The following MANBA variants were observed in gnomAD, a reference collection of about 807,000 sequenced individuals.
MANBA encodes beta-mannosidase.
In MANBA, 83 loss-of-function variants were observed where a neutral mutation model predicts 111.1. That is an observed-to-expected ratio of 0.75 (90% confidence interval 0.63 to 0.90). MANBA has a LOEUF of 0.90. Ranked by LOEUF, MANBA falls within the 40% of genes least tolerant of loss-of-function variation. The probability of loss-of-function intolerance (pLI) is 0.00; values close to 1 mark genes in which losing one functional copy is unlikely to be tolerated. For missense variants in MANBA, 1,036 were observed against 1,069.0 expected (o/e 0.97, Z 0.43); for synonymous variants, 370 against 378.7 (o/e 0.98, Z 0.27).
At chr4:102,661,241 AGCCTT>A (rs1730939192) in intron 11 of MANBA, among the ~76,000 whole-genome samples, 1 of 152,230 alleles carries the variant, frequency 6.6e-6, no homozygotes. Flanking sequence ...TTTACTCGAA[AGCCTT>A]TTTAGATTCT....
intron 1 of MANBA, among the ~76,000 whole-genome samples, chr4:102,733,833 G>A (rs1401434911): frequency 6.6e-6 from 1 of 152,164 alleles, no homozygotes; most frequent in Non-Finnish European, 1.5e-5. Context: ...CCTGATTCAT[G>A]AATCACAAAT....
At position 102,657,836 on chromosome 4, in the gene MANBA, G is replaced by A. The variant is rs748994375; in HGVS notation, c.1550C>T (p.Ala517Val). 9.9e-6 allele frequency: 16 copies of A among 1,613,772 alleles called. No homozygotes were observed. Among genetic ancestry groups the A allele is most frequent in the Admixed American group, 3.3e-5 (2 of 59,978 alleles). Residue 517 changes from alanine to valine, a missense_variant, in exon 12 of 17, where the codon GCC becomes GTC. Coordinates refer to ENST00000647097, the MANE Select transcript of MANBA (RefSeq NM_005908.4). Reference protein sequence around the residue: ...PTNGAETVAEAWVSQNPNSNY... With the variant: ...PTNGAETVAEVWVSQNPNSNY... ...GCTATTAGGGTTTTGAGAGACCCAG[G>A]CTTCTGCAACAGTTTCAGCCCCATT... is the stretch of plus-strand genomic sequence containing the variant.
chr4:102,669,959 G>T (rs541724859), intron 9 of MANBA, among the ~76,000 whole-genome samples: 2 of 151,694 alleles, frequency 1.3e-5, no homozygotes, highest in South Asian at 4.2e-4. Flanking sequence ...CAGCCTGGGT[G>T]ACAGAGCAAG....
chr4:102,735,659 G>A (rs538250109), intron 1 of MANBA, among the ~76,000 whole-genome samples: 1 of 152,134 alleles, frequency 6.6e-6, no homozygotes, highest in Admixed American at 6.5e-5. Context: ...CTTATTTATA[G>A]CAAACAGCAG....
At chr4:102,697,651 T>G (rs1023265364) in intron 5 of MANBA, among the ~76,000 whole-genome samples, 1 of 149,550 alleles carries the variant, frequency 6.7e-6, no homozygotes, top group African/African-American at 2.5e-5. Flanking sequence ...AATGATGATT[T>G]CCAATTTCAT....
intron 1 of MANBA, chr4:102,730,795 A>G (rs1429446446): frequency 2.3e-6 from 1 of 437,552 alleles, no homozygotes; most frequent in East Asian, 5.6e-5. Flanking sequence ...TAGCTTGTTA[A>G]TTTCCTTATA....
intron 7 of MANBA, among the ~76,000 whole-genome samples, chr4:102,681,972 C>T (rs982583525): frequency 6.6e-6 from 1 of 151,628 alleles, no homozygotes; most frequent in Non-Finnish European, 1.5e-5. Context: ...ATGGAGAAAC[C>T]CCCATCTCTA....
At position 102,631,696 on chromosome 4, in the gene MANBA, C is replaced by G. The variant is rs1729381440; in HGVS notation, c.*361G>C. On this transcript the variant is annotated 3_prime_UTR_variant, in exon 17 of 17. Coordinates refer to ENST00000647097, the MANE Select transcript of MANBA (RefSeq NM_005908.4). ...TAGCTGTGAAAGACCTACATCACCT[C>G]AAAACCTTCCATTTGGTTCCATAGA... 1 of 531,788 alleles carries G rather than the reference C, an allele frequency of 1.9e-6. No homozygotes were observed. The highest frequency in any genetic ancestry group is 3.3e-6 in the Non-Finnish European group (1 of 303,554). The allele number at this position is 531,788 out of a possible 1,614,324, so 32.9% of individuals were successfully genotyped here.
At chr4:102,752,937 G>A (rs1195047027) in intron 1 of MANBA, among the ~76,000 whole-genome samples, 1 of 151,894 alleles carries the variant, frequency 6.6e-6, no homozygotes, top group Non-Finnish European at 1.5e-5. Flanking sequence ...ATCTTTCTCT[G>A]GCCATTTGTC....
chr4:102,740,567 AAAAC>A (rs1723366193), intron 1 of MANBA, among the ~76,000 whole-genome samples: 1 of 152,208 alleles, frequency 6.6e-6, no homozygotes, highest in African/African-American at 2.4e-5. Flanking sequence ...TATAGTCACA[AAAAC>A]AGCATGCTAC....
Position 102,722,876 on chromosome 4 carries a change from G to C in MANBA, c.544C>G (p.Arg182Gly). 6.2e-7 allele frequency: 1 copy of C among 1,614,036 alleles called. No individual in the cohort carries two copies. The highest frequency in any genetic ancestry group is 8.5e-7 in the Non-Finnish European group (1 of 1,179,944). ...CCTGTTTGAGAGACCATTACCTTCC[G>C]AACAAAGTTGACATGGCATTCACCC... ...QKGECHVNFVRKEQCSFSWDW... is the reference protein window; with the variant it reads ...QKGECHVNFVGKEQCSFSWDW... Residue 182 changes from arginine to glycine, a missense_variant, in exon 4 of 17, where the codon CGG (arginine) becomes GGG (glycine). By Grantham distance (125) the Arg-to-Gly change is moderately radical. Transcript: ENST00000647097.
chr4:102,680,685 T>G (rs1422217241), intron 7 of MANBA, among the ~76,000 whole-genome samples: 1 of 152,212 alleles, frequency 6.6e-6, no homozygotes, highest in Non-Finnish European at 1.5e-5. Context: ...TTTGGATTAA[T>G]TTCTTTGATT....
chr4:102,649,323 C>G (rs1401430113), intron 13 of MANBA, among the ~76,000 whole-genome samples: 1 of 152,212 alleles, frequency 6.6e-6, no homozygotes, highest in Non-Finnish European at 1.5e-5. Flanking sequence ...TAGGTAGAAA[C>G]TGCCATAAAA....
chr4:102,690,093 C>T (rs1481510321), intron 6 of MANBA, among the ~76,000 whole-genome samples: 1 of 151,920 alleles, frequency 6.6e-6, no homozygotes, highest in South Asian at 2.1e-4. Context: ...TATTTTGCTC[C>T]ACCTTTTTCA....
chr4:102,655,386 G>A (rs965501511), intron 12 of MANBA, among the ~76,000 whole-genome samples: 74 of 152,126 alleles, frequency 4.9e-4, no homozygotes, highest in African/African-American at 1.7e-3. Flanking sequence ...GAACAAAATT[G>A]GTGGACTCAC....
At chr4:102,758,095 C>T (rs1324875989) in intron 1 of MANBA, among the ~76,000 whole-genome samples, 1 of 152,154 alleles carries the variant, frequency 6.6e-6, no homozygotes, top group African/African-American at 2.4e-5. Flanking sequence ...TATCTTGAAC[C>T]ACTTTTTAAA....
At chr4:102,679,897 TCAAA>T (rs1290272287) in intron 7 of MANBA, among the ~76,000 whole-genome samples, 1 of 151,920 alleles carries the variant, frequency 6.6e-6, no homozygotes, top group Non-Finnish European at 1.5e-5. Flanking sequence ...TGACTTTCAT[TCAAA>T]CAATTTACAA....
chr4:102,646,506 A>G (rs1730110817), intron 13 of MANBA, among the ~76,000 whole-genome samples: 2 of 152,170 alleles, frequency 1.3e-5, no homozygotes. Flanking sequence ...TCCCCAAGCC[A>G]TCATTAGATA....
At chr4:102,759,658 CT>C (rs750236363) in intron 1 of MANBA, among the ~76,000 whole-genome samples, 17 of 151,626 alleles carry the variant, frequency 1.1e-4, no homozygotes, top group Non-Finnish European at 2.4e-4. Context: ...TAGAATGGTG[CT>C]CCTGAAAGTC....
Sources: allele counts gnomAD v4.1 joint callset (sites outside exome capture counted in the v4.1 genomes callset), GRCh38; gene constraint gnomAD v4.1.1; transcripts MANE v1.5; gene names NCBI Gene and HGNC (gene_info 2026-07-23, HGNC 2026-07-21).